Variants in CDYL observed in about 807,000 individuals in gnomAD.
CDYL encodes the protein chromodomain Y like, also known as chromodomain Y-like protein.
Under a neutral mutation model 47.3 loss-of-function variants are expected in CDYL, and 8 were observed. The observed-to-expected ratio is 0.17, with a 90% CI of 0.10 to 0.31. CDYL has a LOEUF of 0.31. CDYL is among the 10% of genes least tolerant of loss of function. The probability of loss-of-function intolerance (pLI) is 1.00; values close to 1 mark genes in which losing one functional copy is unlikely to be tolerated. For missense variants in CDYL, 471 were observed against 701.4 expected (o/e 0.67, Z 3.71); for synonymous variants, 266 against 265.0 (o/e 1.00, Z -0.04).
intron 1 of CDYL, among the ~76,000 whole-genome samples, chr6:4,825,300 C>A (rs1419739685): frequency 6.6e-6 from 1 of 152,144 alleles, no homozygotes; most frequent in Non-Finnish European, 1.5e-5. Context: ...GCTTTAGTAG[C>A]ATTCCTGTGG....
intron 1 of CDYL, among the ~76,000 whole-genome samples, chr6:4,713,857 A>G (rs540510763): frequency 1.3e-5 from 2 of 152,264 alleles, no homozygotes; most frequent in Non-Finnish European, 2.9e-5. Context: ...CAAAGTGCTG[A>G]GATTACAGGT....
In CDYL at chr6:4,936,547, C is replaced by G. The variant is rs114430301; in HGVS notation, c.948+776C>G. Among the ~76,000 whole-genome samples, 710 of 152,320 alleles carry G rather than the reference C, an allele frequency of 4.7e-3. 3 individuals are homozygous for G. The highest frequency in any genetic ancestry group is 0.016 in the African/African-American group (670 of 41,570). ...AGTTGGTCCTTGGTACATTTTTAGA[C>G]TGCAGAGTCCCTTCATTGATTATTT... On this transcript the variant is annotated intron_variant, in intron 3 of 6. Coordinates refer to ENST00000397588, the MANE Select transcript of CDYL (RefSeq NM_004824.4).
chr6:4,745,337 G>C (rs1457432266), intron 3 of CDYL, among the ~76,000 whole-genome samples: 1 of 152,192 alleles, frequency 6.6e-6, no homozygotes, highest in Non-Finnish European at 1.5e-5. Context: ...GGGAAAGAAA[G>C]AGGTTGGCAT....
rs530739611 is a variant in CDYL at position 4,726,780 on chromosome 6, CAAT to C, written c.104-7981_104-7979del. ...CATTAAACTGCAGAAATTCCTCACA[CAAT>C]GATATCATCATGGCAGCTAATGTCT... On this transcript the variant is annotated intron_variant, in intron 2 of 8. Transcript: ENST00000328908. 2.2e-3 allele frequency among the ~76,000 whole-genome samples: 339 copies of C among 151,954 alleles called. 1 individual carries two copies. Among genetic ancestry groups the C allele is most frequent in the African/African-American group, 7.7e-3 (318 of 41,398 alleles).
Position 4,733,920 on chromosome 6 carries a change from C to T in CDYL, c.104-842C>T, listed in dbSNP as rs145665840. ...AGGTTGGAGTGCAATGGCACAATCT[C>T]GTGTCACTGCAACCTCTGCTTCCTG... On this transcript the variant is annotated intron_variant, in intron 2 of 8. Transcript: ENST00000328908. 1.6e-3 allele frequency among the ~76,000 whole-genome samples: 236 copies of T among 149,644 alleles called. 3 individuals are homozygous for T. Among genetic ancestry groups the T allele is most frequent in the African/African-American group, 5.4e-3 (219 of 40,730 alleles).
intron 1 of CDYL, among the ~76,000 whole-genome samples, chr6:4,825,308 T>A (rs1462970085): frequency 1.3e-5 from 2 of 152,220 alleles, no homozygotes; most frequent in African/African-American, 4.8e-5. Flanking sequence ...AGCATTCCTG[T>A]GGATTTTTCA....
chr6:4,774,480 G>A (rs1758386697), upstream of CDYL: 1 of 152,278 alleles, frequency 6.6e-6, no homozygotes, highest in Non-Finnish European at 1.5e-5. Flanking sequence ...AGGAGGGAGA[G>A]GGAATTGGCT....
At chr6:4,851,944 C>T (rs1239150803) in intron 1 of CDYL, among the ~76,000 whole-genome samples, 2 of 152,066 alleles carry the variant, frequency 1.3e-5, no homozygotes, top group Non-Finnish European at 2.9e-5. Context: ...TTTTCTATGT[C>T]AGTCCCCTAC....
intron 1 of CDYL, among the ~76,000 whole-genome samples, chr6:4,794,856 C>T (rs1759026648): frequency 6.6e-6 from 1 of 152,086 alleles, no homozygotes; most frequent in African/African-American, 2.4e-5. Context: ...TTATGTATAT[C>T]TGATCTTATA....
intron 2 of CDYL, among the ~76,000 whole-genome samples, chr6:4,723,851 C>CG (rs1561824046): frequency 1.3e-5 from 2 of 152,182 alleles, no homozygotes; most frequent in African/African-American, 4.8e-5. Flanking sequence ...GTGCCAAAAA[C>CG]TGAGTGTTTA....
intron 2 of CDYL, among the ~76,000 whole-genome samples, chr6:4,905,339 C>T (rs530379662): frequency 1.3e-5 from 2 of 152,288 alleles, no homozygotes; most frequent in African/African-American, 4.8e-5. Flanking sequence ...CGGGGTTGAC[C>T]TGAGCCTTCG....
chr6:4,824,146 G>A (rs561635511), intron 1 of CDYL, among the ~76,000 whole-genome samples: 36 of 152,218 alleles, frequency 2.4e-4, no homozygotes, highest in East Asian at 1.5e-3. Flanking sequence ...GGACATATGC[G>A]TTGTTTCCAT....
intron 1 of CDYL, among the ~76,000 whole-genome samples, chr6:4,786,931 C>T (rs1758771618): frequency 6.6e-6 from 1 of 152,224 alleles, no homozygotes; most frequent in South Asian, 2.1e-4. Context: ...CTTCACTCCT[C>T]CTGTCCTGAT....
At chr6:4,724,794 G>GA (rs1196002449) in intron 2 of CDYL, 2 of 152,192 alleles carry the variant, frequency 1.3e-5, no homozygotes, top group Non-Finnish European at 1.5e-5. Flanking sequence ...CAAAAGCAGT[G>GA]TGGACTCAAA....
At chr6:4,920,086 A>T (rs1464085212) in intron 2 of CDYL, among the ~76,000 whole-genome samples, 4 of 152,264 alleles carry the variant, frequency 2.6e-5, no homozygotes, top group Admixed American at 2.6e-4. Flanking sequence ...GTGCTCGGTG[A>T]CATAAGGCCA....
chr6:4,712,731 A>G (rs1266674163), intron 1 of CDYL, among the ~76,000 whole-genome samples: 1 of 152,228 alleles, frequency 6.6e-6, no homozygotes, highest in Non-Finnish European at 1.5e-5. Context: ...AATGGCTCCC[A>G]TTTATGAGAA....
intron 5 of CDYL, among the ~76,000 whole-genome samples, chr6:4,944,444 A>G (rs1302346185): frequency 6.6e-6 from 1 of 152,156 alleles, no homozygotes; most frequent in Admixed American, 6.5e-5. Context: ...GAAGCGTTGC[A>G]CCCTGGACGA....
intron 2 of CDYL, among the ~76,000 whole-genome samples, chr6:4,906,165 T>A (rs901044882): frequency 6.6e-6 from 1 of 152,234 alleles, no homozygotes; most frequent in African/African-American, 2.4e-5. Context: ...ATATGACTTT[T>A]ATTGAATGGA....
chr6:4,786,617 G>A (rs1758763356), intron 1 of CDYL, among the ~76,000 whole-genome samples: 1 of 152,166 alleles, frequency 6.6e-6, no homozygotes. Context: ...TCAAGAGAAG[G>A]TGCACTAGTA....
Sources: gnomAD v4.1 joint callset for allele counts (sites outside exome capture counted in the v4.1 genomes callset) on GRCh38, gnomAD v4.1.1 for gene constraint, MANE v1.5 for transcripts, NCBI Gene and HGNC (gene_info 2026-07-23, HGNC 2026-07-21) for gene names.